KHDRBS2: variants seen among roughly 807,000 people sequenced by gnomAD.
KHDRBS2 encodes KH domain-containing, RNA-binding, signal transduction-associated protein 2.
In KHDRBS2, 26 loss-of-function variants were observed where a neutral mutation model predicts 44.3. The observed-to-expected ratio is 0.59, with a 90% CI of 0.43 to 0.81. KHDRBS2 has a LOEUF of 0.81. Among genes scored for constraint, KHDRBS2 ranks in the 40% least tolerant of loss-of-function variants. The probability of loss-of-function intolerance (pLI) is 0.00; values close to 1 mark genes in which losing one functional copy is unlikely to be tolerated. For synonymous variants in KHDRBS2, 194 were observed against 151.1 expected (o/e 1.28, Z -2.08); for missense variants, 476 against 433.1 (o/e 1.10, Z -0.88).
chr6:61,945,101 A>ATATATATAT (rs1206251740), intron 4 of KHDRBS2, among the ~76,000 whole-genome samples: 2 of 56,248 alleles, frequency 3.6e-5, no homozygotes, highest in Non-Finnish European at 7.0e-5. Flanking sequence ...AAAAAAAAAA[A>ATATATATAT]AAAAAAAAAA....
At chr6:61,943,176 T>C (rs1178816748) in intron 4 of KHDRBS2, among the ~76,000 whole-genome samples, 1 of 150,686 alleles carries the variant, frequency 6.6e-6, no homozygotes, top group African/African-American at 2.4e-5. Flanking sequence ...TCCAGCAAAA[T>C]TATCCTCCAT....
chr6:61,957,351 A>G (rs1013722401), intron 4 of KHDRBS2, among the ~76,000 whole-genome samples: 13 of 152,282 alleles, frequency 8.5e-5, no homozygotes, highest in African/African-American at 2.9e-4. Context: ...AGATAACCTT[A>G]AACTCTTGAC....
intron 2 of KHDRBS2, among the ~76,000 whole-genome samples, chr6:62,125,799 C>T (rs546172231): frequency 1.6e-3 from 242 of 152,236 alleles, no homozygotes; most frequent in Non-Finnish European, 3.0e-3. Flanking sequence ...ATTCTTCACC[C>T]GCTGACTAAA....
the KHDRBS2 span, among the ~76,000 whole-genome samples, chr6:61,575,307 A>G: frequency 6.6e-6 from 1 of 152,226 alleles, no homozygotes; most frequent in African/African-American, 2.4e-5. Flanking sequence ...GGCAAAGGAC[A>G]TGAATAGACA....
intron 6 of KHDRBS2, among the ~76,000 whole-genome samples, chr6:61,795,034 G>A (rs1785114179): frequency 6.6e-6 from 1 of 151,156 alleles, no homozygotes; most frequent in Admixed American, 6.6e-5. Context: ...AGCTACTTGG[G>A]AGGCTGAGGC....
the KHDRBS2 span, among the ~76,000 whole-genome samples, chr6:61,642,462 C>A: frequency 6.7e-6 from 1 of 149,446 alleles, no homozygotes; most frequent in Non-Finnish European, 1.5e-5. Flanking sequence ...TCAAGACAAG[C>A]CTGGGCAACA....
the KHDRBS2 span, among the ~76,000 whole-genome samples, chr6:61,670,549 C>T: frequency 6.6e-6 from 1 of 151,418 alleles, no homozygotes; most frequent in Admixed American, 6.6e-5. Context: ...AGAATATCTT[C>T]AAGCAACATA....
chr6:61,680,381 A>G lies in KHDRBS2; in HGVS notation c.*582T>C, dbSNP rs1766178113. ...TAACAAATACAGGTTAAAACACTGA[A>G]CAAATTCAGTTAGCTACATACATAC... On this transcript the variant is annotated 3_prime_UTR_variant, in exon 9 of 9. Transcript: ENST00000281156. 6.6e-6 allele frequency: 1 copy of G among 152,214 alleles called. No homozygotes were observed. Among genetic ancestry groups the G allele is most frequent in the African/African-American group, 2.4e-5 (1 of 41,392 alleles). The allele number at this position is 152,214 out of a possible 1,614,324, so 9.4% of individuals were successfully genotyped here.
intron 3 of KHDRBS2, among the ~76,000 whole-genome samples, chr6:61,984,343 C>T (rs1436886339): frequency 6.6e-6 from 1 of 152,128 alleles, no homozygotes; most frequent in African/African-American, 2.4e-5. Flanking sequence ...AGCAATCAAC[C>T]TAGCTTTTTT....
At chr6:61,671,992 C>A in the KHDRBS2 span, among the ~76,000 whole-genome samples, 1 of 151,670 alleles carries the variant, frequency 6.6e-6, no homozygotes, top group Admixed American at 6.6e-5. Flanking sequence ...GCTATCCCTG[C>A]CCCCTCCCCC....
intron 7 of KHDRBS2, among the ~76,000 whole-genome samples, chr6:61,724,231 T>G (rs1773174528): frequency 6.6e-6 from 1 of 152,000 alleles, no homozygotes; most frequent in Non-Finnish European, 1.5e-5. Flanking sequence ...TCATAAATGA[T>G]GGAGAAATAA....
At chr6:61,945,128 T>TATAC (rs1813055313) in intron 4 of KHDRBS2, among the ~76,000 whole-genome samples, 1 of 93,000 alleles carries the variant, frequency 1.1e-5, no homozygotes, top group South Asian at 3.6e-4. Context: ...TATATATATA[T>TATAC]ATATATATAT....
chr6:62,185,655 A>G (rs1353817968), intron 1 of KHDRBS2, among the ~76,000 whole-genome samples: 1 of 151,996 alleles, frequency 6.6e-6, no homozygotes, highest in Non-Finnish European at 1.5e-5. Context: ...CCAGGCATTT[A>G]TTTTCAATGA....
At chr6:62,171,604 G>T (rs1562996783) in intron 2 of KHDRBS2, among the ~76,000 whole-genome samples, 1 of 151,910 alleles carries the variant, frequency 6.6e-6, no homozygotes, top group Non-Finnish European at 1.5e-5. Context: ...TACTATAGAA[G>T]ATGACCATCC....
chr6:62,078,461 T>G (rs1245632274), intron 2 of KHDRBS2, among the ~76,000 whole-genome samples: 2 of 151,946 alleles, frequency 1.3e-5, no homozygotes, highest in Non-Finnish European at 2.9e-5. Flanking sequence ...AGTACAAAAA[T>G]GTTATGATTT....
intron 1 of KHDRBS2, among the ~76,000 whole-genome samples, chr6:62,237,242 T>TA (rs1833851586): frequency 2.6e-5 from 4 of 152,134 alleles, no homozygotes; most frequent in Admixed American, 1.3e-4. Context: ...CTGTACCTAA[T>TA]AAAAAAATTC....
chr6:61,625,989 T>A, the KHDRBS2 span, among the ~76,000 whole-genome samples: 1 of 152,252 alleles, frequency 6.6e-6, no homozygotes, highest in Non-Finnish European at 1.5e-5. Flanking sequence ...ATATTGCATT[T>A]ATTAATTTGA....
chr6:61,903,423 G>T (rs543706836), intron 4 of KHDRBS2, among the ~76,000 whole-genome samples: 3 of 152,064 alleles, frequency 2.0e-5, no homozygotes, highest in African/African-American at 7.2e-5. Flanking sequence ...GTGTACCTTA[G>T]AGCATAAATA....
intron 2 of KHDRBS2, among the ~76,000 whole-genome samples, chr6:62,065,204 C>A (rs572282676): frequency 3.3e-5 from 5 of 152,012 alleles, no homozygotes; most frequent in Admixed American, 6.6e-5. Flanking sequence ...ACTAGTTCAA[C>A]CATTGTGGAA....
Sources: gnomAD v4.1 joint callset for allele counts (sites outside exome capture counted in the v4.1 genomes callset) on GRCh38, gnomAD v4.1.1 for gene constraint, MANE v1.5 for transcripts, NCBI Gene and HGNC (gene_info 2026-07-23, HGNC 2026-07-21) for gene names.